The following CEP63 variants were observed in gnomAD, a reference collection of about 807,000 sequenced individuals.
CEP63 encodes the protein centrosomal protein 63, also known as centrosomal protein of 63 kDa.
Under a neutral mutation model 89.1 loss-of-function variants are expected in CEP63, and 84 were observed. The ratio of observed to expected loss-of-function variants is 0.94; its 90% confidence interval spans 0.79 to 1.13. The LOEUF (loss-of-function observed/expected upper bound fraction) is 1.13, where lower values mean the gene tolerates loss of function less well. CEP63 is among the 50% of genes most tolerant of loss of function. The pLI is 0.00. For missense variants in CEP63, 838 were observed against 813.3 expected, an observed-to-expected ratio of 1.03 and a Z score of -0.37; for synonymous variants, 267 against 272.5, an observed-to-expected ratio of 0.98 and a Z score of 0.20.
At chr3:134,551,727 A>G (rs1377532780) in intron 11 of CEP63, among the ~76,000 whole-genome samples, 199 bp from the exon 12 acceptor site, 1 of 1,372 alleles carries the variant, frequency 7.3e-4, no homozygotes, top group Non-Finnish European at 2.3e-3. Flanking sequence ...GAAAGTCCAT[A>G]TATATATATA....
chr3:134,503,612 T>A (rs1942667896), intron 2 of CEP63, among the ~76,000 whole-genome samples: 2 of 152,132 alleles, frequency 1.3e-5, no homozygotes, highest in Non-Finnish European at 2.9e-5. Context: ...GGTACCGAAG[T>A]CCCCAATTAT....
At chr3:134,565,923 G>C (rs1957739443), downstream of CEP63, among the ~76,000 whole-genome samples, 1 of 152,160 alleles carries the variant, frequency 6.6e-6, no homozygotes, top group South Asian at 2.1e-4. Flanking sequence ...TCCCCCCACA[G>C]TATGCTTCAC....
chr3:134,573,104 G>T (rs1298212227), intron 11 of CEP63, among the ~76,000 whole-genome samples: 1 of 152,116 alleles, frequency 6.6e-6, no homozygotes, highest in Non-Finnish European at 1.5e-5. Context: ...GTTTAATGGG[G>T]TTGTTTGCTT....
chr3:134,619,162 G>A, the CEP63 span: 16 of 1,613,670 alleles, frequency 9.9e-6, 1 homozygote, highest in South Asian at 8.8e-5. Flanking sequence ...ACATTCTCTC[G>A]AAGAGGCCAG....
the CEP63 span, among the ~76,000 whole-genome samples, chr3:134,679,897 A>AT: frequency 1.3e-5 from 2 of 151,986 alleles, no homozygotes; most frequent in Non-Finnish European, 2.9e-5. Flanking sequence ...TAATTTTTGT[A>AT]TTTTTTGTAG....
the CEP63 span, among the ~76,000 whole-genome samples, chr3:134,661,339 C>T: frequency 4.9e-4 from 74 of 152,194 alleles, 1 homozygote; most frequent in Admixed American, 4.3e-3. Context: ...CTGTTCCTTC[C>T]GCCTAATATG....
the CEP63 span, among the ~76,000 whole-genome samples, chr3:134,644,249 C>T: frequency 2.6e-5 from 4 of 152,214 alleles, no homozygotes; most frequent in Non-Finnish European, 4.4e-5. Flanking sequence ...ACGCTACACA[C>T]GTTCTCTCCA....
At chr3:134,694,074 C>T in the CEP63 span, among the ~76,000 whole-genome samples, 1 of 152,222 alleles carries the variant, frequency 6.6e-6, no homozygotes, top group East Asian at 1.9e-4. Context: ...CCTCTGGCCC[C>T]ATTTCAGAAA....
chr3:134,516,034 A>T (rs1192009450), intron 3 of CEP63, among the ~76,000 whole-genome samples: 1 of 152,138 alleles, frequency 6.6e-6, no homozygotes, highest in African/African-American at 2.4e-5. Context: ...TAGAGAAAGA[A>T]AAAAGGGGGC....
At chr3:134,713,551 A>G in the CEP63 span, among the ~76,000 whole-genome samples, 1 of 152,184 alleles carries the variant, frequency 6.6e-6, no homozygotes, top group Non-Finnish European at 1.5e-5. Context: ...CTTGGATCCT[A>G]CATGGCATCA....
the CEP63 span, among the ~76,000 whole-genome samples, chr3:134,597,154 C>T: frequency 9.2e-5 from 14 of 152,102 alleles, no homozygotes; most frequent in South Asian, 4.1e-4. Flanking sequence ...AACCATTGGT[C>T]GGTTTTAAGT....
rs770077490 is a variant in CEP63, at chr3:134,559,392, C to T, written c.1916C>T (p.Ser639Phe). The change falls in exon 14 of 15, where the codon TCT (serine) becomes TTT (phenylalanine). Residue 639 changes from serine (S) to phenylalanine (F), a missense_variant. By Grantham distance (155) the Ser-to-Phe change is radical. Coordinates refer to ENST00000675561, the MANE Select transcript of CEP63 (RefSeq NM_001353108.3). ...TNEANFSDTM[S>F]ESMNDQEEFI... is the part of the protein sequence containing the mutation. Reference sequence around the variant, plus strand: ...GAAGCCAATTTTTCTGACACTATGTCTGAGAGTATGAATGACCAAGAAGAG... The same window carrying T: ...GAAGCCAATTTTTCTGACACTATGTTTGAGAGTATGAATGACCAAGAAGAG... 2.5e-6 allele frequency: 4 copies of T among 1,613,812 alleles called. No homozygotes were observed. The highest frequency in any genetic ancestry group is 2.7e-5 in the African/African-American group (2 of 75,020).
At chr3:134,612,751 C>CTGTGTG in the CEP63 span, among the ~76,000 whole-genome samples, 18,304 of 125,338 alleles carry the variant, frequency 0.15, 1,813 homozygotes, top group East Asian at 0.42. Context: ...CACGCCGATG[C>CTGTGTG]TGTGTGTGTG....
Position 134,547,368 on chromosome 3 carries a change from C to G in CEP63, c.963C>G (p.Tyr321Ter). ...AAGAATCTCTGGCAGAAAAGAAGTA[C>G]ACCTCTCAAGGGCAGGGGGACTTAG... ...PREESLAEKK[Y>*]TSQGQGDLDS... Residue 321 changes from tyrosine to a stop codon, truncating the protein, a stop_gained, in exon 9 of 15, where the codon TAC becomes TAG. Transcript: ENST00000675561. LOFTEE classifies it high-confidence loss of function. 6.2e-7 allele frequency: 1 copy of G among 1,613,656 alleles called. No homozygotes were observed.
intron 3 of CEP63, among the ~76,000 whole-genome samples, chr3:134,524,480 C>T (rs993102094): frequency 1.3e-5 from 2 of 151,876 alleles, no homozygotes; most frequent in African/African-American, 4.8e-5. Context: ...CAAGGGTTTC[C>T]AGCTTTTGCC....
At chr3:134,633,849 G>A in the CEP63 span, among the ~76,000 whole-genome samples, 1 of 152,096 alleles carries the variant, frequency 6.6e-6, no homozygotes, top group African/African-American at 2.4e-5. Flanking sequence ...GTCTACATAG[G>A]AAATCCCAAG....
At chr3:134,513,004 A>G (rs1292429959) in intron 3 of CEP63, among the ~76,000 whole-genome samples, 2 of 152,126 alleles carry the variant, frequency 1.3e-5, no homozygotes, top group Admixed American at 1.3e-4. Context: ...CACAGGTGTA[A>G]ATCTTCTGCC....
the CEP63 span, among the ~76,000 whole-genome samples, chr3:134,728,589 A>C: frequency 5.9e-5 from 9 of 152,200 alleles, no homozygotes; most frequent in African/African-American, 1.7e-4. Context: ...TGAATAAGAC[A>C]TAGCCCCTAT....
At chr3:134,703,474 A>G in the CEP63 span, among the ~76,000 whole-genome samples, 7 of 152,182 alleles carry the variant, frequency 4.6e-5, no homozygotes, top group African/African-American at 1.7e-4. Context: ...TGTCCTTTGC[A>G]GGAACATGGA....
Sources: allele counts gnomAD v4.1 joint callset (sites outside exome capture counted in the v4.1 genomes callset), GRCh38; gene constraint gnomAD v4.1.1; transcripts MANE v1.5; gene names NCBI Gene and HGNC (gene_info 2026-07-23, HGNC 2026-07-21).